APOF: variants seen among roughly 807,000 people sequenced by gnomAD.
The protein encoded by APOF is apolipoprotein F, also known as lipid transfer inhibitor protein.
A neutral mutation model predicts 2.4 loss-of-function variants in APOF; 2 were observed. That is an observed-to-expected ratio of 0.83 (90% CI 0.34 to 2.61). The LOEUF (loss-of-function observed/expected upper bound fraction) is 2.61. Ranked by LOEUF, APOF falls within the 30% of genes most tolerant of loss-of-function variation. The pLI, the probability that APOF is intolerant of heterozygous loss-of-function variation, is 0.11. For synonymous variants in APOF, 149 were observed against 155.6 expected, an observed-to-expected ratio of 0.96 and a Z score of 0.32; for missense variants, 370 against 388.7, an observed-to-expected ratio of 0.95 and a Z score of 0.40.
Position 56,361,339 on chromosome 12 carries a change from T to C in APOF, c.867A>G (p.Glu289=), listed in dbSNP as rs1435754112. The change falls in exon 2 of 2, where the codon GAA becomes GAG. Residue 289 remains glutamate, a synonymous_variant. Coordinates refer to ENST00000398189, the MANE Select transcript of APOF (RefSeq NM_001638.4). ...ATATGAAAGAAGCCAGAGTAGTTGT[T>C]TCTTCCAAGTCACTCACATCTGAGA... ...RAISDVSDLE[E]TTTLASFISE... The C allele has an allele frequency of 1.9e-6, 3 of 1,613,950 alleles. No individual in the cohort carries two copies. The highest frequency in any genetic ancestry group is 2.5e-6 in the Non-Finnish European group (3 of 1,179,916).
Position 56,361,467 on chromosome 12 carries a change from G to T in APOF, c.739C>A (p.Pro247Thr). 4 of 1,614,030 alleles carry T rather than the reference G, an allele frequency of 2.5e-6. No homozygotes were observed. The highest frequency in any genetic ancestry group is 3.4e-6 in the Non-Finnish European group (4 of 1,179,900). ...TGCTGAACCCCAGACCTTAATGCAG[G>T]TTTAAGTGCAGCACTGATCGCTAGA... Reference protein sequence around the residue: ...MGLAISAALKPALRSGVQQLI... With the variant: ...MGLAISAALKTALRSGVQQLI... Residue 247 changes from proline (P) to threonine (T), a missense_variant, in exon 2 of 2, where the codon CCT (proline) becomes ACT (threonine). Pro to Thr is a conservative substitution (Grantham distance 38). Transcript: ENST00000398189.
Position 56,361,329 on chromosome 12 carries a change from G to A in APOF, c.877C>T (p.Leu293=). 1 of 1,614,052 alleles carries A rather than the reference G, an allele frequency of 6.2e-7. No individual in the cohort carries two copies. Among genetic ancestry groups the A allele is most frequent in the Admixed American group, 1.7e-5 (1 of 60,022 alleles). ...ACTACTTCTGATATGAAAGAAGCCA[G>A]AGTAGTTGTTTCTTCCAAGTCACTC... ...DVSDLEETTT[L]ASFISEVVSS... The change falls in exon 2 of 2, where the codon CTG becomes TTG. Residue 293 remains leucine, a synonymous_variant. Coordinates refer to ENST00000398189, the MANE Select transcript of APOF (RefSeq NM_001638.4).
rs565816395 is a variant in APOF, at chr12:56,361,260, C to G, written c.946G>C (p.Asp316His). ...AGACTCCCAGCCCCAGGATCTAAGTCATAGCTCTTGATTATGGCCCACCCC... is the reference window on the plus strand; with the variant it reads ...AGACTCCCAGCCCCAGGATCTAAGTGATAGCTCTTGATTATGGCCCACCCC... ...YWGWAIIKSY[D>H]LDPGAGSLEI Residue 316 changes from aspartate to histidine, a missense_variant, in exon 2 of 2, where the codon GAC becomes CAC. Transcript: ENST00000398189. 6.2e-7 allele frequency: 1 copy of G among 1,613,988 alleles called. No individual in the cohort carries two copies. The highest frequency in any genetic ancestry group is 1.7e-5 in the Admixed American group (1 of 60,016).
Position 56,361,873 on chromosome 12 carries a change from G to A in APOF, c.333C>T (p.Leu111=). Residue 111 remains leucine, a synonymous_variant, in exon 2 of 2, where the codon CTC becomes CTT. Transcript: ENST00000398189. ...TAGCATTCACACCACCCTGGCGGTA[G>A]AGCTGTAGCTGTAGAGCCCAAACAT... The part of the protein sequence containing the change: ...QADVWALQLQ[L]YRQGGVNATQ... The A allele has an allele frequency of 6.2e-7, 1 of 1,613,840 alleles. No homozygotes were observed. Among genetic ancestry groups the A allele is most frequent in the Non-Finnish European group, 8.5e-7 (1 of 1,179,814 alleles).
At chr12:56,362,616 A>C in intron 1 of APOF, 114 bp downstream of exon 1, 3 of 1,035,144 alleles carry the variant, frequency 2.9e-6, no homozygotes, top group Non-Finnish European at 4.4e-6. Context: ...CTTTTTAGGT[A>C]AAGGCCTAGG....
rs762505116 is a variant in APOF at position 56,362,073 on chromosome 12, C to T, written c.133G>A (p.Val45Ile). The T allele has an allele frequency of 6.2e-6, 10 of 1,613,856 alleles. No homozygotes were observed. Among genetic ancestry groups the T allele is most frequent in the African/African-American group, 1.3e-5 (1 of 74,910 alleles). ...AAGGACAAGGGAAAGTGCATCAAGA[C>T]ATTTGTCTGCTTTCCATATGAAGTG... ...DATSYGKQTN[V>I]LMHFPLSLES... is the part of the protein sequence containing the mutation. The change falls in exon 2 of 2, where the codon GTC (valine) becomes ATC (isoleucine). Residue 45 changes from valine (V) to isoleucine (I), a missense_variant. By Grantham distance (29) the Val-to-Ile change is conservative. Transcript: ENST00000398189.
At position 56,361,282 on chromosome 12, in the gene APOF, C is replaced by G; in HGVS notation, c.924G>C (p.Gly308=). The part of the protein sequence containing the change: ...SEVVSSAPYW[G]WAIIKSYDLD... ...AGTCATAGCTCTTGATTATGGCCCACCCCCAGTAGGGAGCTGAACTTACTA... is the reference window on the plus strand; with the variant it reads ...AGTCATAGCTCTTGATTATGGCCCAGCCCCAGTAGGGAGCTGAACTTACTA... The change falls in exon 2 of 2, where the codon GGG becomes GGC. Residue 308 remains glycine (G), a synonymous_variant. Coordinates refer to ENST00000398189, the MANE Select transcript of APOF (RefSeq NM_001638.4). 1 of 1,613,998 alleles carries G rather than the reference C, an allele frequency of 6.2e-7. No individual in the cohort carries two copies.
intron 1 of APOF, 111 bp from the exon 2 acceptor site, chr12:56,362,300 ACTTTC>A: frequency 7.6e-7 from 1 of 1,320,886 alleles, no homozygotes; most frequent in Non-Finnish European, 1.0e-6. Context: ...AAGCTTTTGT[ACTTTC>A]TTTTTAGAGA....
Position 56,362,837 on chromosome 12 carries a change from C to T in APOF, c.-92G>A, listed in dbSNP as rs1592228865. 6.9e-7 allele frequency: 1 copy of T among 1,454,748 alleles called. No individual in the cohort carries two copies. Among genetic ancestry groups the T allele is most frequent in the East Asian group, 2.3e-5 (1 of 43,546 alleles). 90.1% of individuals were successfully genotyped at this position (1,454,748 alleles called of 1,614,324 possible). A position where few individuals can be genotyped will look rare whatever the true frequency, so the allele number is the denominator to read the frequency against. ...CATGAGGAAAGGAGATATTTGCTTT[C>T]CCCTATGATCAGTGAAGGATGTAAT... On this transcript the variant is annotated 5_prime_UTR_variant, in exon 1 of 2. Transcript: ENST00000398189.
At chr12:56,362,212 A>T (rs1262586790) in intron 1 of APOF, 23 bp from the exon 2 acceptor site, 1 of 1,603,214 alleles carries the variant, frequency 6.2e-7, no homozygotes, top group African/African-American at 1.3e-5. Flanking sequence ...GAAATCCGAA[A>T]CATACAAACC....
Position 56,361,046 on chromosome 12 carries a change from G to A in APOF, c.*179C>T. On this transcript the variant is annotated 3_prime_UTR_variant, in exon 2 of 2. Transcript: ENST00000398189. ...AAGTTACTATTCAGTGATCACCGAGGCTCTAACAAGTGGAGCCTAGATTCG... is the reference window on the plus strand; with the variant it reads ...AAGTTACTATTCAGTGATCACCGAGACTCTAACAAGTGGAGCCTAGATTCG... 1 of 644,586 alleles carries A rather than the reference G, an allele frequency of 1.6e-6. No individual in the cohort carries two copies. The highest frequency in any genetic ancestry group is 2.6e-6 in the Non-Finnish European group (1 of 381,902). The allele number at this position is 644,586 out of a possible 1,614,324, so 39.9% of individuals were successfully genotyped here.
chr12:56,361,082 CTG>C lies in APOF; in HGVS notation c.*141_*142del. 1 of 1,013,812 alleles carries C rather than the reference CTG, an allele frequency of 9.9e-7. No homozygotes were observed. The highest frequency in any genetic ancestry group is 1.4e-6 in the Non-Finnish European group (1 of 714,818). The allele number at this position is 1,013,812 out of a possible 1,614,324, so 62.8% of individuals were successfully genotyped here. A position where few individuals can be genotyped will look rare whatever the true frequency, so the allele number is the denominator to read the frequency against. ...TGGAGCCTAGATTCGAAACCAAACC[CTG>C]TGACTTCAACACCCAAACATTTACG... On this transcript the variant is annotated 3_prime_UTR_variant, in exon 2 of 2. Transcript: ENST00000398189.
rs11575215 is a variant in APOF, at chr12:56,361,705, C to G, written c.501G>C (p.Pro167=). Residue 167 remains proline, a synonymous_variant, in exon 2 of 2, where the codon CCG becomes CCC. Coordinates refer to ENST00000398189, the MANE Select transcript of APOF (RefSeq NM_001638.4). ...CCTTCTCATTCTCACAGTCCTCTGT[C>G]GGGAGGGAGCGCCCGACCCTTCCTG... The part of the protein sequence containing the change: ...QSTGRVGRSL[P]TEDCENEKEQ... The G allele has an allele frequency of 9.1e-4, 1,460 of 1,609,730 alleles. 19 individuals carry two copies. In the African/African-American group the frequency reaches 0.013, roughly 14 times the overall value.
At position 56,361,534 on chromosome 12, in the gene APOF, G is replaced by C; in HGVS notation, c.672C>G (p.Asp224Glu). The C allele has an allele frequency of 6.2e-7, 1 of 1,614,044 alleles. No homozygotes were observed. Among genetic ancestry groups the C allele is most frequent in the Non-Finnish European group, 8.5e-7 (1 of 1,179,892 alleles). The change falls in exon 2 of 2, where the codon GAC (aspartate) becomes GAG (glutamate). Residue 224 changes from aspartate to glutamate, a missense_variant. Transcript: ENST00000398189. ...ACATCCCAGCCATGGTCATCAGAAG[G>C]TCATATCCCAGATCTATGGCCCCAT... ...GRDGAIDLGY[D>E]LLMTMAGMSG...
chr12:56,361,798 T>A lies in APOF; in HGVS notation c.408A>T (p.Thr136=), dbSNP rs1040014986. ...HLRGLQKGRS[T]ERNVSVEALA... ...GGGCTTCCACTGACACGTTCCTCTC[T>A]GTGCTTCTGCCTTTCTGGAGCCCTC... The change falls in exon 2 of 2, where the codon ACA becomes ACT. Residue 136 remains threonine, a synonymous_variant. Coordinates refer to ENST00000398189, the MANE Select transcript of APOF (RefSeq NM_001638.4). 6.2e-6 allele frequency: 10 copies of A among 1,612,404 alleles called. No homozygotes were observed. Among genetic ancestry groups the A allele is most frequent in the Non-Finnish European group, 8.5e-6 (10 of 1,179,308 alleles).
chr12:56,362,606 C>T (rs1880431606), intron 1 of APOF, 124 bp downstream of exon 1: 1 of 986,602 alleles, frequency 1.0e-6, no homozygotes, highest in Admixed American at 2.3e-5. Context: ...AGCTTCTGTT[C>T]TTTTTAGGTA....
Position 56,361,258 on chromosome 12 carries a change from G to A in APOF, c.948C>T (p.Asp316=), listed in dbSNP as rs376509728. 1.3e-5 allele frequency: 21 copies of A among 1,613,982 alleles called. No individual in the cohort carries two copies. The highest frequency in any genetic ancestry group is 2.2e-5 in the East Asian group (1 of 44,894). ...YWGWAIIKSY[D]LDPGAGSLEI ...CAAGACTCCCAGCCCCAGGATCTAA[G>A]TCATAGCTCTTGATTATGGCCCACC... The change falls in exon 2 of 2, where the codon GAC becomes GAT. Residue 316 remains aspartate (D), a synonymous_variant. Transcript: ENST00000398189.
rs142032204 is a variant in APOF, at chr12:56,361,907, C to A, written c.299G>T (p.Cys100Phe). The change falls in exon 2 of 2, where the codon TGT becomes TTT. Residue 100 changes from cysteine (C) to phenylalanine (F), a missense_variant. Cys to Phe is a radical substitution (Grantham distance 205). Coordinates refer to ENST00000398189, the MANE Select transcript of APOF (RefSeq NM_001638.4). Reference sequence around the variant, plus strand: ...CTGTAGAGCCCAAACATCAGCCTGACAACCAGCTTCCTCCAGGGCATTCCT... The same window carrying A: ...CTGTAGAGCCCAAACATCAGCCTGAAAACCAGCTTCCTCCAGGGCATTCCT... ...ALRNALEEAG[C>F]QADVWALQLQ... 1 of 1,613,990 alleles carries A rather than the reference C, an allele frequency of 6.2e-7. No homozygotes were observed. Among genetic ancestry groups the A allele is most frequent in the East Asian group, 2.2e-5 (1 of 44,880 alleles).
At position 56,361,551 on chromosome 12, in the gene APOF, T is replaced by C. The variant is rs748562615; in HGVS notation, c.655A>G (p.Ile219Val). 1 of 1,613,970 alleles carries C rather than the reference T, an allele frequency of 6.2e-7. No homozygotes were observed. Among genetic ancestry groups the C allele is most frequent in the Non-Finnish European group, 8.5e-7 (1 of 1,179,916 alleles). Residue 219 changes from isoleucine (I) to valine (V), a missense_variant, in exon 2 of 2, where the codon ATA (isoleucine) becomes GTA (valine). Ile to Val is a conservative substitution (Grantham distance 29). Transcript: ENST00000398189. ...ATCAGAAGGTCATATCCCAGATCTA[T>C]GGCCCCATCTCGGCCTCGTTCCCTG... ...KARERGRDGA[I>V]DLGYDLLMTM... is the part of the protein sequence containing the mutation.
Sources: gnomAD v4.1 joint callset for allele counts on GRCh38, gnomAD v4.1.1 for gene constraint, MANE v1.5 for transcripts, NCBI Gene and HGNC (gene_info 2026-07-23, HGNC 2026-07-21) for gene names.